Variants in PFKFB3 observed in about 807,000 individuals in gnomAD.
PFKFB3 encodes 6-phosphofructo-2-kinase/fructose-2,6-biphosphatase 3.
A neutral mutation model predicts 68.0 loss-of-function variants in PFKFB3; 33 were observed. That is an observed-to-expected ratio of 0.49 (90% CI 0.37 to 0.65). PFKFB3 has a LOEUF of 0.65. Ranked by LOEUF, PFKFB3 falls within the 30% of genes least tolerant of loss-of-function variation. PFKFB3 has a pLI of 0.00. For missense variants in PFKFB3, 586 were observed against 712.2 expected (o/e 0.82, Z 2.02); for synonymous variants, 315 against 288.2 (o/e 1.09, Z -0.94).
the PFKFB3 span, among the ~76,000 whole-genome samples, chr10:6,262,421 C>G: frequency 1.4e-5 from 2 of 141,854 alleles, no homozygotes; most frequent in East Asian, 2.2e-4. Flanking sequence ...CACCACTGCA[C>G]TCCAGCCTGG....
In PFKFB3 at chr10:6,219,676, C is replaced by T. The variant is rs1844819164; in HGVS notation, c.606C>T (p.Asp202=). The change falls in exon 7 of 15, where the codon GAC becomes GAT. Residue 202 remains aspartate, a synonymous_variant. Coordinates refer to ENST00000379775, the MANE Select transcript of PFKFB3 (RefSeq NM_004566.4). ...ATGAAGCCAGCTACCAGCCCCTCGA[C>T]CCCGACAAATGCGACAGGTGATTCC... is the stretch of plus-strand genomic sequence containing the variant. The part of the protein sequence containing the change: ...SCYEASYQPL[D]PDKCDRDLSL... The T allele has an allele frequency of 1.9e-6, 3 of 1,613,744 alleles. No homozygotes were observed. The highest frequency in any genetic ancestry group is 1.7e-5 in the Admixed American group (1 of 59,992).
intron 1 of PFKFB3, among the ~76,000 whole-genome samples, chr10:6,164,585 C>T (rs1842073394): frequency 6.6e-6 from 1 of 152,140 alleles, no homozygotes; most frequent in African/African-American, 2.4e-5. Context: ...ACAGTGGGCC[C>T]AGGGGACTGG....
chr10:6,247,092 G>A (rs1588567051), intron 14 of PFKFB3, among the ~76,000 whole-genome samples: 1 of 152,200 alleles, frequency 6.6e-6, no homozygotes, highest in Admixed American at 6.5e-5. Context: ...TCATTCACTG[G>A]AAGCAGAAGC....
chr10:6,218,462 T>C (rs1844740886), intron 6 of PFKFB3, among the ~76,000 whole-genome samples: 1 of 151,978 alleles, frequency 6.6e-6, no homozygotes, highest in Non-Finnish European at 1.5e-5. Context: ...GGACTCTCCT[T>C]CTGTTGCCCA....
the PFKFB3 span, among the ~76,000 whole-genome samples, chr10:6,290,499 A>AT: frequency 0.56 from 75,449 of 135,878 alleles, 22,464 homozygotes; most frequent in Non-Finnish European, 0.68. Context: ...TTTGTCTTTG[A>AT]TTTTTTTTTT....
At chr10:6,256,338 G>T (rs1409238487), downstream of PFKFB3, among the ~76,000 whole-genome samples, 5 of 152,270 alleles carry the variant, frequency 3.3e-5, no homozygotes, top group East Asian at 7.7e-4. Flanking sequence ...GACTTGGGGG[G>T]TGTAGGTAAC....
chr10:6,194,320 A>G (rs1163998569), intron 1 of PFKFB3, among the ~76,000 whole-genome samples: 1 of 152,210 alleles, frequency 6.6e-6, no homozygotes, highest in Admixed American at 6.5e-5. Flanking sequence ...TTGCTTCTTG[A>G]GTCCCTGATT....
At chr10:6,317,194 C>T in the PFKFB3 span, among the ~76,000 whole-genome samples, 7 of 152,190 alleles carry the variant, frequency 4.6e-5, no homozygotes, top group African/African-American at 1.4e-4. Context: ...GCTCTTGATA[C>T]TGTCAAGAGT....
intron 14 of PFKFB3, among the ~76,000 whole-genome samples, chr10:6,230,389 G>T (rs1588543468): frequency 6.6e-6 from 1 of 152,222 alleles, no homozygotes; most frequent in Non-Finnish European, 1.5e-5. Context: ...TCTATCCTTG[G>T]CACTCTGGGC....
the PFKFB3 span, among the ~76,000 whole-genome samples, chr10:6,320,992 A>G: frequency 6.6e-6 from 1 of 152,202 alleles, no homozygotes; most frequent in African/African-American, 2.4e-5. Flanking sequence ...ACCACTGTCC[A>G]TGGAAATAGG....
At chr10:6,177,743 C>T (rs970703484) in intron 1 of PFKFB3, among the ~76,000 whole-genome samples, 2 of 151,980 alleles carry the variant, frequency 1.3e-5, no homozygotes, top group African/African-American at 4.8e-5. Context: ...AGGCTGGTCT[C>T]GAACTCCCGA....
At chr10:6,159,705 A>AC (rs1484829692) in intron 1 of PFKFB3, among the ~76,000 whole-genome samples, 2 of 151,532 alleles carry the variant, frequency 1.3e-5, no homozygotes, top group East Asian at 3.9e-4. Flanking sequence ...GAAAAAAAAA[A>AC]AAAACAAAAC....
chr10:6,272,350 T>C, the PFKFB3 span, among the ~76,000 whole-genome samples: 1 of 152,186 alleles, frequency 6.6e-6, no homozygotes, highest in African/African-American at 2.4e-5. Flanking sequence ...GTTTCTTAAC[T>C]AAACCCTGAA....
rs551303824 is a variant in PFKFB3, at chr10:6,154,402, C to T, written c.16+9389C>T. Among the ~76,000 whole-genome samples, 1 of 152,218 alleles carries T rather than the reference C, an allele frequency of 6.6e-6. No individual in the cohort carries two copies. The highest frequency in any genetic ancestry group is 2.1e-4 in the South Asian group (1 of 4,826). The stretch of plus-strand genomic sequence containing the variant: ...CTGGGATTACAGGTGCATGCTACCG[C>T]GTCCAGCTAATTTTTTTGTATTTTT... On this transcript the variant is annotated intron_variant, in intron 1 of 14. Coordinates refer to the PFKFB3 transcript ENST00000379789. The surrounding 1 kb of genome is among the most constrained non-coding windows in gnomAD (Gnocchi z 4.6).
intron 1 of PFKFB3, among the ~76,000 whole-genome samples, chr10:6,148,934 C>T (rs1253874346): frequency 6.6e-6 from 1 of 152,064 alleles, no homozygotes; most frequent in Non-Finnish European, 1.5e-5. Flanking sequence ...TAAAAATCAG[C>T]TGGGGGTGGT....
chr10:6,323,282 C>T, the PFKFB3 span, among the ~76,000 whole-genome samples: 154 of 152,356 alleles, frequency 1.0e-3, 1 homozygote, highest in Middle Eastern at 0.01. Context: ...CCAGTGGTGA[C>T]ATTCAGTTCA....
Position 6,194,399 on chromosome 10 carries a change from T to A in PFKFB3, c.17-19224T>A, listed in dbSNP as rs115897369. 8.0e-3 allele frequency among the ~76,000 whole-genome samples: 1,216 copies of A among 152,368 alleles called. 14 individuals carry two copies. Among genetic ancestry groups the A allele is most frequent in the African/African-American group, 0.027 (1,136 of 41,584 alleles). ...ATTGCACAGACTTTTGAAAACTATG[T>A]TTCCGCTGCGCTAAAGTCTAGGAGC... On this transcript the variant is annotated intron_variant, in intron 1 of 14. Transcript: ENST00000379789.
In PFKFB3 at chr10:6,226,344, G is replaced by A. The variant is rs749823288; in HGVS notation, c.1494G>A (p.Val498=). 6 of 1,613,054 alleles carry A rather than the reference G, an allele frequency of 3.7e-6. No homozygotes were observed. The highest frequency in any genetic ancestry group is 5.1e-6 in the Non-Finnish European group (6 of 1,179,664). Residue 498 remains valine, a synonymous_variant, in exon 14 of 15, where the codon GTG becomes GTA. Transcript: ENST00000379775. ...AALPSCLPPE[V]PTQLPGQNMK... The stretch of plus-strand genomic sequence containing the variant: ...TGCCCAGCTGCCTGCCCCCGGAGGT[G>A]CCCACGCAGCTGCCTGGACAAGTCA...
At chr10:6,224,937 A>G (rs1845230096) in intron 13 of PFKFB3, among the ~76,000 whole-genome samples, 2 of 148,946 alleles carry the variant, frequency 1.3e-5, no homozygotes, top group Non-Finnish European at 3.0e-5. Flanking sequence ...AGAACCACCA[A>G]GAACACGGTG....
Sources: gnomAD v4.1 joint callset for allele counts (sites outside exome capture counted in the v4.1 genomes callset) on GRCh38, gnomAD v4.1.1 for gene constraint, Gnocchi (gnomAD v3.1) non-coding constraint, MANE v1.5 for transcripts, NCBI Gene and HGNC (gene_info 2026-07-23, HGNC 2026-07-21) for gene names.